Variants in ADAMTSL3 observed in about 807,000 individuals in gnomAD.
ADAMTSL3 encodes ADAMTS-like protein 3.
In ADAMTSL3, 128 loss-of-function variants were observed where a neutral mutation model predicts 201.7. The observed-to-expected ratio is 0.63, with a 90% CI of 0.55 to 0.73. The LOEUF is 0.73. ADAMTSL3 is among the 30% of genes least tolerant of loss of function. The pLI is 0.00. For missense variants in ADAMTSL3, 1,990 were observed against 2,119.6 expected, an observed-to-expected ratio of 0.94 and a Z score of 1.20; for synonymous variants, 738 against 748.4, an observed-to-expected ratio of 0.99 and a Z score of 0.23.
chr15:84,028,007 A>G (rs2068341526), intron 27 of ADAMTSL3, among the ~76,000 whole-genome samples: 1 of 152,206 alleles, frequency 6.6e-6, no homozygotes, highest in Non-Finnish European at 1.5e-5. Context: ...ACCACTCTGC[A>G]TGGCACCATT....
intron 2 of ADAMTSL3, among the ~76,000 whole-genome samples, chr15:83,696,895 G>A (rs1238081823): frequency 6.6e-6 from 1 of 152,174 alleles, no homozygotes; most frequent in Non-Finnish European, 1.5e-5. Flanking sequence ...TGAATGGCAG[G>A]AAAGCGTGCA....
rs540096878 is a variant in ADAMTSL3 at position 83,743,437 on chromosome 15, C to T, written c.190-30086C>T. Among the ~76,000 whole-genome samples, 201 of 146,332 alleles carry T rather than the reference C, an allele frequency of 1.4e-3. 1 individual carries two copies. Among genetic ancestry groups the T allele is most frequent in the South Asian group, 2.6e-3 (12 of 4,686 alleles). On this transcript the variant is annotated intron_variant, in intron 3 of 29. Coordinates refer to ENST00000286744, the MANE Select transcript of ADAMTSL3 (RefSeq NM_207517.3). ...CTGAGGCAGGAGAATGGCGTGAACC[C>T]GGGAAGCGGAGCTTGCAGTGAGCCG... is the stretch of plus-strand genomic sequence containing the variant.
At chr15:83,889,845 T>C (rs2141884337) in intron 10 of ADAMTSL3, among the ~76,000 whole-genome samples, 1 of 152,322 alleles carries the variant, frequency 6.6e-6, no homozygotes, top group East Asian at 1.9e-4. Flanking sequence ...TTTAGTCATC[T>C]GAGAAGAACC....
intron 3 of ADAMTSL3, among the ~76,000 whole-genome samples, chr15:83,756,720 G>A (rs1222674574): frequency 6.6e-6 from 1 of 151,712 alleles, no homozygotes; most frequent in African/African-American, 2.4e-5. Context: ...TCTTATCTGA[G>A]ACAAGGCAAG....
intron 27 of ADAMTSL3, among the ~76,000 whole-genome samples, chr15:84,026,085 A>G (rs1246319792): frequency 6.6e-6 from 1 of 152,184 alleles, no homozygotes; most frequent in Non-Finnish European, 1.5e-5. Context: ...ATTTTAAAAA[A>G]GTATTGGAGG....
intron 10 of ADAMTSL3, among the ~76,000 whole-genome samples, chr15:83,889,156 A>G (rs1258280099): frequency 1.3e-5 from 2 of 152,176 alleles, no homozygotes; most frequent in African/African-American, 2.4e-5. Context: ...TTTCCTCAGA[A>G]ACTCTACAAA....
intron 3 of ADAMTSL3, among the ~76,000 whole-genome samples, chr15:83,723,287 A>G (rs758526296): frequency 2.0e-5 from 3 of 152,180 alleles, no homozygotes; most frequent in Non-Finnish European, 4.4e-5. Context: ...CAAAAAAAGA[A>G]GTTTGCAAAC....
At chr15:83,822,072 G>A (rs1337358560) in intron 6 of ADAMTSL3, among the ~76,000 whole-genome samples, 1 of 147,790 alleles carries the variant, frequency 6.8e-6, no homozygotes, top group Admixed American at 6.6e-5. Flanking sequence ...CAGTAGGGGC[G>A]GCCGGGCAGA....
At chr15:83,898,750 G>GATT (rs1219085558) in intron 14 of ADAMTSL3, among the ~76,000 whole-genome samples, 8 of 152,128 alleles carry the variant, frequency 5.3e-5, no homozygotes, top group Non-Finnish European at 5.9e-5. Context: ...TGGGAGAAAA[G>GATT]ATTATTCCCA....
chr15:83,949,886 G>A (rs931880982), intron 19 of ADAMTSL3, among the ~76,000 whole-genome samples: 3 of 151,890 alleles, frequency 2.0e-5, no homozygotes, highest in Non-Finnish European at 4.4e-5. Context: ...AGAGTTGTGT[G>A]AGCCCCTTAT....
intron 7 of ADAMTSL3, among the ~76,000 whole-genome samples, chr15:83,851,504 A>G (rs1487790642): frequency 2.0e-5 from 3 of 152,236 alleles, no homozygotes; most frequent in Non-Finnish European, 2.9e-5. Flanking sequence ...ACATTCACAA[A>G]GATTTTGCAA....
chr15:84,034,163 C>T (rs953010082), intron 28 of ADAMTSL3, among the ~76,000 whole-genome samples: 5 of 152,004 alleles, frequency 3.3e-5, no homozygotes, highest in African/African-American at 9.7e-5. Context: ...AGAGAGCTGT[C>T]GAGGGTTTCT....
intron 2 of ADAMTSL3, among the ~76,000 whole-genome samples, chr15:83,680,619 A>G (rs915559065): frequency 1.3e-5 from 2 of 150,266 alleles, no homozygotes; most frequent in African/African-American, 4.9e-5. Flanking sequence ...TCAATTTTCC[A>G]TATGTAGATA....
At chr15:83,697,552 A>C (rs1438760266) in intron 2 of ADAMTSL3, among the ~76,000 whole-genome samples, 2 of 152,202 alleles carry the variant, frequency 1.3e-5, no homozygotes, top group African/African-American at 4.8e-5. Flanking sequence ...AGCAGCTTGG[A>C]GAGCTAAATG....
At chr15:83,692,623 T>G (rs993235040) in intron 2 of ADAMTSL3, among the ~76,000 whole-genome samples, 14 of 148,368 alleles carry the variant, frequency 9.4e-5, no homozygotes, top group African/African-American at 3.3e-4. Flanking sequence ...GAGGCAGAGT[T>G]TGCAGTGAGC....
chr15:83,801,645 AATATAAATATATATAT>A (rs2063517589), intron 4 of ADAMTSL3, among the ~76,000 whole-genome samples: 2 of 43,902 alleles, frequency 4.6e-5, no homozygotes, highest in South Asian at 1.2e-3. Context: ...TAAATATATA[AATATAAATATATATAT>A]ATATATATAT....
At chr15:83,856,391 G>A (rs2064734001) in intron 7 of ADAMTSL3, among the ~76,000 whole-genome samples, 1 of 151,676 alleles carries the variant, frequency 6.6e-6, no homozygotes, top group Non-Finnish European at 1.5e-5. Flanking sequence ...TGCCCCGACT[G>A]GTCTCGAACT....
intron 2 of ADAMTSL3, among the ~76,000 whole-genome samples, chr15:83,665,491 A>C (rs1043007536): frequency 6.6e-6 from 1 of 152,222 alleles, no homozygotes; most frequent in Non-Finnish European, 1.5e-5. Flanking sequence ...GCCAGGAGAA[A>C]GGGAGAGATT....
chr15:83,770,598 T>C (rs1013039191), intron 3 of ADAMTSL3, among the ~76,000 whole-genome samples: 4 of 152,250 alleles, frequency 2.6e-5, no homozygotes, highest in African/African-American at 9.6e-5. Context: ...TTTCTACTTT[T>C]ATTGCTATAT....
Sources: allele counts gnomAD v4.1 joint callset (sites outside exome capture counted in the v4.1 genomes callset), GRCh38; gene constraint gnomAD v4.1.1; transcripts MANE v1.5; gene names NCBI Gene and HGNC (gene_info 2026-07-23, HGNC 2026-07-21).